PPARA: variants seen among roughly 807,000 people sequenced by gnomAD.
PPARA encodes the protein peroxisome proliferator-activated receptor alpha.
A neutral mutation model predicts 42.2 loss-of-function variants in PPARA; 22 were observed. That is an observed-to-expected ratio of 0.52 (90% CI 0.37 to 0.74). The LOEUF (loss-of-function observed/expected upper bound fraction) is 0.74, where lower values mean the gene tolerates loss of function less well. Among genes scored for constraint, PPARA ranks in the 30% least tolerant of loss-of-function variants. PPARA has a pLI of 0.00. For synonymous variants in PPARA, 242 were observed against 239.3 expected (o/e 1.01, Z -0.10); for missense variants, 465 against 608.2 (o/e 0.76, Z 2.48).
At chr22:46,194,350 T>A (rs1381914019) in intron 3 of PPARA, among the ~76,000 whole-genome samples, 1 of 152,176 alleles carries the variant, frequency 6.6e-6, no homozygotes, top group Non-Finnish European at 1.5e-5. Context: ...CTAAAAATGA[T>A]GAAATTGTAA....
rs1383488045 is a variant in PPARA, at chr22:46,237,436, C to A, written c.*2056C>A. ...AACATAGCAAGACCCTGTCTGTACA[C>A]AAAATTTAAAAATTAGTTCATCGGG... On this transcript the variant is annotated 3_prime_UTR_variant, in exon 9 of 9. Transcript: ENST00000407236. This position sits in a 1 kb window ranked among gnomAD's most constrained non-coding sequence, Gnocchi z 6.7. The A allele has an allele frequency of 1.3e-5, 2 of 152,134 alleles. No homozygotes were observed. The highest frequency in any genetic ancestry group is 2.9e-5 in the Non-Finnish European group (2 of 68,116). The allele number at this position is 152,134 out of a possible 1,614,324, so 9.4% of individuals were successfully genotyped here.
rs1237816570 is a variant in PPARA, at chr22:46,184,158, T to A, written c.-43+7322T>A. 1.3e-5 allele frequency among the ~76,000 whole-genome samples: 2 copies of A among 152,182 alleles called. No individual in the cohort carries two copies. Among genetic ancestry groups the A allele is most frequent in the African/African-American group, 4.8e-5 (2 of 41,454 alleles). On this transcript the variant is annotated intron_variant, in intron 3 of 8. Coordinates refer to ENST00000407236, the MANE Select transcript of PPARA (RefSeq NM_005036.6). This position sits in a 1 kb window ranked among gnomAD's most constrained non-coding sequence, Gnocchi z 4.4. The stretch of plus-strand genomic sequence containing the variant: ...ATCTCTAATTTATTGCAGGGTTGGA[T>A]CTGAAAAATGGCTGATGATGATTTG...
rs1930089874 is a variant in PPARA, at chr22:46,182,371, G to A, written c.-43+5535G>A. On this transcript the variant is annotated intron_variant, in intron 3 of 8. Coordinates refer to ENST00000407236, the MANE Select transcript of PPARA (RefSeq NM_005036.6). The surrounding 1 kb of genome is among the most constrained non-coding windows in gnomAD (Gnocchi z 5.2). ...TATCCATACAATGGAGTATTACTTTGCAATCAAAAGGAATGGCCTATGAAT... is the reference window on the plus strand; with the variant it reads ...TATCCATACAATGGAGTATTACTTTACAATCAAAAGGAATGGCCTATGAAT... Among the ~76,000 whole-genome samples the A allele has an allele frequency of 6.6e-6, 1 of 152,174 alleles. No individual in the cohort carries two copies. Among genetic ancestry groups the A allele is most frequent in the Non-Finnish European group, 1.5e-5 (1 of 68,042 alleles).
At position 46,233,846 on chromosome 22, in the gene PPARA, CAG is replaced by C. The variant is rs1435155869; in HGVS notation, c.1160-1284_1160-1283del. On this transcript the variant is annotated intron_variant, in intron 8 of 8. Coordinates refer to ENST00000407236, the MANE Select transcript of PPARA (RefSeq NM_005036.6). This position sits in a 1 kb window ranked among gnomAD's most constrained non-coding sequence, Gnocchi z 7.3. ...TTCCTCCTTTTTTTTTTTTTTGAGA[CAG>C]AGTCTCCGTCTGTCACCCTGGCTGG... 6.8e-6 allele frequency among the ~76,000 whole-genome samples: 1 copy of C among 147,106 alleles called. No homozygotes were observed. The highest frequency in any genetic ancestry group is 6.8e-5 in the Admixed American group (1 of 14,698).
rs1933920650 is a variant in PPARA, at chr22:46,211,433, G to A, written c.209-3740G>A. On this transcript the variant is annotated intron_variant, in intron 4 of 8. Coordinates refer to ENST00000407236, the MANE Select transcript of PPARA (RefSeq NM_005036.6). This position sits in a 1 kb window ranked among gnomAD's most constrained non-coding sequence, Gnocchi z 4.1. ...AGATCCTTTTGCCTTTAGTCTTACA[G>A]ATTCCAATCATTCCAAATTATTCGG... 6.6e-6 allele frequency among the ~76,000 whole-genome samples: 1 copy of A among 152,186 alleles called. No homozygotes were observed. Among genetic ancestry groups the A allele is most frequent in the South Asian group, 2.1e-4 (1 of 4,832 alleles).
In PPARA at chr22:46,180,864, C is replaced by T. The variant is rs560989282; in HGVS notation, c.-43+4028C>T. 9.9e-5 allele frequency among the ~76,000 whole-genome samples: 15 copies of T among 152,212 alleles called. No individual in the cohort carries two copies. Among genetic ancestry groups the T allele is most frequent in the East Asian group, 3.9e-4 (2 of 5,174 alleles). The stretch of plus-strand genomic sequence containing the variant: ...CTCCCTTGCCTGTGGAACTGGAGCC[C>T]GGGTCGAGGGAGACCTGGGACCTTT... On this transcript the variant is annotated intron_variant, in intron 3 of 8. Coordinates refer to ENST00000407236, the MANE Select transcript of PPARA (RefSeq NM_005036.6). This position sits in a 1 kb window ranked among gnomAD's most constrained non-coding sequence, Gnocchi z 4.2.
chr22:46,189,268 A>T (rs1385464420), intron 3 of PPARA, among the ~76,000 whole-genome samples: 2 of 152,250 alleles, frequency 1.3e-5, no homozygotes, highest in Admixed American at 6.5e-5. Context: ...ATTATGAAGA[A>T]GTGCTGGGTT....
intron 3 of PPARA, among the ~76,000 whole-genome samples, chr22:46,181,152 C>A (rs956537187): frequency 6.6e-6 from 1 of 152,104 alleles, no homozygotes; most frequent in African/African-American, 2.4e-5. Flanking sequence ...GAGTGGCTCA[C>A]TAAGTTGGTC....
At chr22:46,207,363 G>A (rs1933426232) in intron 4 of PPARA, among the ~76,000 whole-genome samples, 1 of 136,950 alleles carries the variant, frequency 7.3e-6, no homozygotes, top group Non-Finnish European at 1.5e-5. Context: ...CTCACTGCAC[G>A]CTCCGCCTCC....
intron 3 of PPARA, among the ~76,000 whole-genome samples, chr22:46,179,007 G>A (rs1379562102): frequency 1.3e-5 from 2 of 152,166 alleles, no homozygotes; most frequent in African/African-American, 4.8e-5. Context: ...CAAGAGCATG[G>A]TGCTGGCATC....
At position 46,187,715 on chromosome 22, in the gene PPARA, T is replaced by C. The variant is rs1422328039; in HGVS notation, c.-42-10627T>C. On this transcript the variant is annotated intron_variant, in intron 3 of 8. Coordinates refer to ENST00000407236, the MANE Select transcript of PPARA (RefSeq NM_005036.6). This position sits in a 1 kb window ranked among gnomAD's most constrained non-coding sequence, Gnocchi z 4.9. ...CATGGGGATTAACAATGTGCCATGATTGGCACTGCTGGCCTCTCCTACCTC... is the reference window on the plus strand; with the variant it reads ...CATGGGGATTAACAATGTGCCATGACTGGCACTGCTGGCCTCTCCTACCTC... 2.0e-5 allele frequency among the ~76,000 whole-genome samples: 3 copies of C among 152,226 alleles called. No individual in the cohort carries two copies. The highest frequency in any genetic ancestry group is 4.4e-5 in the Non-Finnish European group (3 of 68,040).
intron 3 of PPARA, among the ~76,000 whole-genome samples, chr22:46,189,889 T>C (rs570989686): frequency 1.1e-4 from 16 of 152,030 alleles, no homozygotes; most frequent in Non-Finnish European, 1.9e-4. Context: ...GTATTTTTAA[T>C]AGAGATGGGG....
At chr22:46,207,485 A>G (rs1226000299) in intron 4 of PPARA, among the ~76,000 whole-genome samples, 1 of 149,498 alleles carries the variant, frequency 6.7e-6, no homozygotes, top group Non-Finnish European at 1.5e-5. Flanking sequence ...GGGTTTCACC[A>G]TGTTAGCCAG....
chr22:46,174,276 A>AGGAAGGAAGGAAGGAAGGAAGGAAGG (rs1236515954), intron 2 of PPARA, among the ~76,000 whole-genome samples: 2 of 150,642 alleles, frequency 1.3e-5, no homozygotes, highest in African/African-American at 2.4e-5. Context: ...GAAGGAAGGA[A>AGGAAGGAAGGAAGGAAGGAAGGAAGG]ATTATGATAA....
Position 46,215,340 on chromosome 22 carries a change from G to A in PPARA, c.369+7G>A. The A allele has an allele frequency of 6.2e-7, 1 of 1,614,120 alleles. No individual in the cohort carries two copies. The highest frequency in any genetic ancestry group is 1.1e-5 in the South Asian group (1 of 91,072). On this transcript the variant is annotated splice_region_variant and intron_variant, in intron 5 of 8. Transcript: ENST00000407236. ...CGCGTGTGAAGGCTGCAAGGTAGAG[G>A]GGAGCTGGAACAGGGCCTGGTGGCC...
chr22:46,183,325 C>G lies in PPARA; in HGVS notation c.-43+6489C>G, dbSNP rs1379652360. 6.6e-6 allele frequency among the ~76,000 whole-genome samples: 1 copy of G among 152,206 alleles called. No homozygotes were observed. The highest frequency in any genetic ancestry group is 6.5e-5 in the Admixed American group (1 of 15,278). ...GTTTTAAAAACACATTAGAATAATA[C>G]TACATTTTCCCTCATCTCTAAACTT... On this transcript the variant is annotated intron_variant, in intron 3 of 8. Transcript: ENST00000407236. This position sits in a 1 kb window ranked among gnomAD's most constrained non-coding sequence, Gnocchi z 5.5.
Position 46,235,432 on chromosome 22 carries a change from T to C in PPARA, c.*52T>C. On this transcript the variant is annotated 3_prime_UTR_variant, in exon 9 of 9. Transcript: ENST00000407236. This position sits in a 1 kb window ranked among gnomAD's most constrained non-coding sequence, Gnocchi z 7.0. The stretch of plus-strand genomic sequence containing the variant: ...CCAGGAGTTCTGAAGCTGACAGCAC[T>C]ACAAAGGAGACGGGGGAGCAGCACG... The C allele has an allele frequency of 6.2e-7, 1 of 1,603,142 alleles. No individual in the cohort carries two copies. The highest frequency in any genetic ancestry group is 1.1e-5 in the South Asian group (1 of 89,438).
rs1362128685 is a variant in PPARA, at chr22:46,234,427, A to C, written c.1160-706A>C. ...GCTCAGGGCAGTATTTTCTGGACCAAGAATCAGGTCTCATGCTTTGAGACT... is the reference window on the plus strand; with the variant it reads ...GCTCAGGGCAGTATTTTCTGGACCACGAATCAGGTCTCATGCTTTGAGACT... On this transcript the variant is annotated intron_variant, in intron 8 of 8. Coordinates refer to ENST00000407236, the MANE Select transcript of PPARA (RefSeq NM_005036.6). This position sits in a 1 kb window ranked among gnomAD's most constrained non-coding sequence, Gnocchi z 5.8. Among the ~76,000 whole-genome samples, 1 of 152,176 alleles carries C rather than the reference A, an allele frequency of 6.6e-6. No homozygotes were observed. The highest frequency in any genetic ancestry group is 2.4e-5 in the African/African-American group (1 of 41,458).
Position 46,218,315 on chromosome 22 carries a change from G to C in PPARA, c.422G>C (p.Arg141Pro). The change falls in exon 6 of 9, where the codon CGC becomes CCC. Residue 141 changes from arginine to proline, a missense_variant. Around this residue, in one of 2 missense-constraint regions of PPARA, gnomAD observed 313 missense variants for 469.1 expected, o/e 0.67. Transcript: ENST00000407236. ...RLKLVYDKCD[R>P]SCKIQKKNRN... ...AAGCTGGTGTATGACAAGTGCGACC[G>C]CAGCTGCAAGATCCAGAAAAAGAAC... is the stretch of plus-strand genomic sequence containing the variant. 1 of 1,614,018 alleles carries C rather than the reference G, an allele frequency of 6.2e-7. No individual in the cohort carries two copies. The highest frequency in any genetic ancestry group is 8.5e-7 in the Non-Finnish European group (1 of 1,180,010).
Sources: allele counts gnomAD v4.1 joint callset (sites outside exome capture counted in the v4.1 genomes callset), GRCh38; gene constraint gnomAD v4.1.1; regional missense constraint gnomAD v4.1.1; non-coding constraint Gnocchi (gnomAD v3.1); transcripts MANE v1.5; gene names NCBI Gene and HGNC (gene_info 2026-07-23, HGNC 2026-07-21).